Variants in TAMM41 observed in about 807,000 individuals in gnomAD.
TAMM41 encodes the protein phosphatidate cytidylyltransferase, mitochondrial.
TAMM41 carries 36 observed loss-of-function variants against 44.1 expected under a neutral mutation model. That is an observed-to-expected ratio of 0.82 (90% CI 0.63 to 1.08). TAMM41 has a LOEUF of 1.08. Among genes scored for constraint, TAMM41 ranks in the 50% least tolerant of loss-of-function variants. The pLI is 0.00. For missense variants in TAMM41, 417 were observed against 404.3 expected (o/e 1.03, Z -0.27); for synonymous variants, 164 against 153.1 (o/e 1.07, Z -0.53).
At chr3:11,772,701 C>A in the TAMM41 span, among the ~76,000 whole-genome samples, 10 of 152,224 alleles carry the variant, frequency 6.6e-5, no homozygotes, top group South Asian at 1.0e-3. Flanking sequence ...GGATTGGAGT[C>A]TAATGGTAGT....
At chr3:11,739,002 C>G in the TAMM41 span, among the ~76,000 whole-genome samples, 1 of 152,244 alleles carries the variant, frequency 6.6e-6, no homozygotes, top group Non-Finnish European at 1.5e-5. Context: ...CTCCTGAAAG[C>G]ACCTTCCACT....
chr3:11,820,970 G>C (rs553107796), intron 4 of TAMM41, among the ~76,000 whole-genome samples: 1 of 152,192 alleles, frequency 6.6e-6, no homozygotes, highest in African/African-American at 2.4e-5. Context: ...ACAGTACAGC[G>C]GCAAGGCCCT....
At chr3:11,741,476 C>G in the TAMM41 span, among the ~76,000 whole-genome samples, 1 of 149,720 alleles carries the variant, frequency 6.7e-6, no homozygotes, top group Non-Finnish European at 1.5e-5. Context: ...CCCTTATCCT[C>G]AGAGAATACA....
chr3:11,734,532 T>C, the TAMM41 span, among the ~76,000 whole-genome samples: 43 of 152,244 alleles, frequency 2.8e-4, no homozygotes, highest in Non-Finnish European at 5.6e-4. Flanking sequence ...CTAATTACAC[T>C]GGTGTAATTC....
At chr3:11,821,472 C>G (rs1283692415) in intron 4 of TAMM41, among the ~76,000 whole-genome samples, 1 of 152,184 alleles carries the variant, frequency 6.6e-6, no homozygotes, top group Non-Finnish European at 1.5e-5. Context: ...GCTGATCTGA[C>G]AGGAGGCGGA....
At chr3:11,761,714 A>C in the TAMM41 span, among the ~76,000 whole-genome samples, 2 of 152,080 alleles carry the variant, frequency 1.3e-5, no homozygotes, top group Non-Finnish European at 2.9e-5. Context: ...TGGGAGGCCG[A>C]GGCGGGTGGA....
chr3:11,808,110 G>A lies in TAMM41; in HGVS notation c.875-215C>T, dbSNP rs551104305. On this transcript the variant is annotated intron_variant, in intron 6 of 7. Transcript: ENST00000455809. ...CAGCCGTGGCGCCACCCGGCTGTGT[G>A]AGTCCAAGCCGATGACCGAACAGCT... The A allele has an allele frequency of 5.2e-4, 559 of 1,076,172 alleles. 2 individuals are homozygous for A. In the African/African-American group the frequency reaches 8.1e-3, roughly 16 times the overall value. 66.7% of individuals were successfully genotyped at this position (1,076,172 alleles called of 1,614,324 possible). A position where few individuals can be genotyped will look rare whatever the true frequency, so the allele number is the denominator to read the frequency against.
the TAMM41 span, among the ~76,000 whole-genome samples, chr3:11,761,181 AT>A: frequency 6.6e-6 from 1 of 151,244 alleles, no homozygotes; most frequent in South Asian, 2.1e-4. Flanking sequence ...AAAAAAAAAA[AT>A]CATCTTCAGG....
chr3:11,747,867 C>CTATT, the TAMM41 span, among the ~76,000 whole-genome samples: 664 of 75,096 alleles, frequency 8.8e-3, 5 homozygotes, highest in East Asian at 0.039. Context: ...TCAATATTTA[C>CTATT]TATTTATTTA....
intron 2 of TAMM41, among the ~76,000 whole-genome samples, chr3:11,842,826 T>A (rs1460311925): frequency 2.6e-5 from 4 of 151,894 alleles, no homozygotes; most frequent in Admixed American, 2.6e-4. Flanking sequence ...GAACAATGAG[T>A]GGCAGAGCTG....
the TAMM41 span, among the ~76,000 whole-genome samples, chr3:11,783,407 C>A: frequency 1.3e-5 from 2 of 151,602 alleles, no homozygotes; most frequent in Non-Finnish European, 2.9e-5. Context: ...CTTTGGTCAC[C>A]AAATCCAAAG....
the TAMM41 span, among the ~76,000 whole-genome samples, chr3:11,780,588 T>C: frequency 6.6e-6 from 1 of 152,204 alleles, no homozygotes; most frequent in Non-Finnish European, 1.5e-5. Flanking sequence ...TAGGGAATAA[T>C]AAGAGTCCCT....
the TAMM41 span, among the ~76,000 whole-genome samples, chr3:11,753,167 T>C: frequency 5.3e-5 from 8 of 151,916 alleles, no homozygotes; most frequent in African/African-American, 1.9e-4. Flanking sequence ...GGCTCATACC[T>C]GCAATCCCAG....
At position 11,846,783 on chromosome 3, in the gene TAMM41, A is replaced by G; in HGVS notation, c.-147T>C. The G allele has an allele frequency of 9.7e-7, 1 of 1,034,882 alleles. No homozygotes were observed. The highest frequency in any genetic ancestry group is 1.4e-6 in the Non-Finnish European group (1 of 709,212). The allele number at this position is 1,034,882 out of a possible 1,614,324, so 64.1% of individuals were successfully genotyped here. ...AGGCTGAGTGTGGGGTGGGACTGCA[A>G]GCACACGCAAGGATTGGGGCGTTGG... is the stretch of plus-strand genomic sequence containing the variant. On this transcript the variant is annotated 5_prime_UTR_variant, in exon 1 of 8. Transcript: ENST00000455809.
chr3:11,753,396 T>TGCACCCCA, the TAMM41 span, among the ~76,000 whole-genome samples: 1,470 of 151,898 alleles, frequency 9.7e-3, 16 homozygotes, highest in African/African-American at 0.033. Context: ...AATGCACCAC[T>TGCACCCCA]GCACCCCAGC....
chr3:11,751,253 G>C, the TAMM41 span, among the ~76,000 whole-genome samples: 1 of 151,908 alleles, frequency 6.6e-6, no homozygotes, highest in Non-Finnish European at 1.5e-5. Flanking sequence ...CACCACACCT[G>C]GCTAATTTTT....
At chr3:11,728,356 C>G in the TAMM41 span, among the ~76,000 whole-genome samples, 1 of 152,188 alleles carries the variant, frequency 6.6e-6, no homozygotes, top group Admixed American at 6.5e-5. Flanking sequence ...CAGTTCAAAC[C>G]CACATCTGGG....
At chr3:11,722,350 GAC>G in the TAMM41 span, among the ~76,000 whole-genome samples, 1 of 149,826 alleles carries the variant, frequency 6.7e-6, no homozygotes, top group Non-Finnish European at 1.5e-5. Context: ...GCAAAGGAGA[GAC>G]ACACTCAAGT....
chr3:11,748,202 G>A, the TAMM41 span, among the ~76,000 whole-genome samples: 3 of 151,764 alleles, frequency 2.0e-5, no homozygotes, highest in East Asian at 1.9e-4. Context: ...AATCAAACAC[G>A]AGTATCTCCC....
Sources: gnomAD v4.1 joint callset for allele counts (sites outside exome capture counted in the v4.1 genomes callset) on GRCh38, gnomAD v4.1.1 for gene constraint, MANE v1.5 for transcripts, NCBI Gene and HGNC (gene_info 2026-07-23, HGNC 2026-07-21) for gene names.